RPH3A: variants seen among roughly 807,000 people sequenced by gnomAD.
The protein encoded by RPH3A is rabphilin-3A.
Under a neutral mutation model 102.2 loss-of-function variants are expected in RPH3A, and 48 were observed. The observed-to-expected ratio is 0.47, with a 90% CI of 0.37 to 0.60. The LOEUF is 0.60. RPH3A is among the 20% of genes least tolerant of loss of function. The pLI is 0.00. For synonymous variants in RPH3A, 310 were observed against 324.3 expected (o/e 0.96, Z 0.47); for missense variants, 781 against 910.1 (o/e 0.86, Z 1.83).
In RPH3A at chr12:112,891,015, C is replaced by G; in HGVS notation, c.1775+12C>G. 1 of 1,613,866 alleles carries G rather than the reference C, an allele frequency of 6.2e-7. No homozygotes were observed. The highest frequency in any genetic ancestry group is 8.5e-7 in the Non-Finnish European group (1 of 1,179,894). ...CCATTCGTCAAGCTGTAAGTCAATG[C>G]CTTGGGGCTACAGGTGGGCCCTGAA... On this transcript the variant is annotated intron_variant, in intron 19 of 21. Transcript: ENST00000389385.
At chr12:112,737,154 C>CAAA (rs57703782) in intron 1 of RPH3A, among the ~76,000 whole-genome samples, 34 of 117,308 alleles carry the variant, frequency 2.9e-4, no homozygotes, top group Non-Finnish European at 3.5e-4. Context: ...GACCCTGTCT[C>CAAA]AAAAAAAAAA....
chr12:112,873,162 C>T (rs1292222523), intron 10 of RPH3A, among the ~76,000 whole-genome samples: 1 of 152,180 alleles, frequency 6.6e-6, no homozygotes, highest in Non-Finnish European at 1.5e-5. Context: ...ACAACTTAAA[C>T]TTATTGAGCA....
chr12:112,870,310 C>CAAAAAA (rs377457634), intron 10 of RPH3A, among the ~76,000 whole-genome samples: 1 of 105,590 alleles, frequency 9.5e-6, no homozygotes, highest in East Asian at 2.7e-4. Context: ...CTCCCCGCCT[C>CAAAAAA]AAAAAAAAAA....
At chr12:112,594,682 A>T (rs905087044) in intron 1 of RPH3A, among the ~76,000 whole-genome samples, 2 of 152,126 alleles carry the variant, frequency 1.3e-5, no homozygotes, top group African/African-American at 2.4e-5. Flanking sequence ...GTTCTGGGGA[A>T]TTTCTCTTTA....
chr12:112,828,867 A>G (rs963768480), intron 3 of RPH3A, among the ~76,000 whole-genome samples: 1 of 152,236 alleles, frequency 6.6e-6, no homozygotes, highest in Admixed American at 6.5e-5. Context: ...GGGAGATTTC[A>G]CACGAAAGTC....
chr12:112,837,179 T>C (rs1178708874), intron 4 of RPH3A, among the ~76,000 whole-genome samples: 1 of 152,220 alleles, frequency 6.6e-6, no homozygotes, highest in African/African-American at 2.4e-5. Flanking sequence ...ATCATGGGAC[T>C]CTGGGACTCA....
chr12:112,737,554 C>T (rs1800635378), intron 1 of RPH3A, among the ~76,000 whole-genome samples: 1 of 152,120 alleles, frequency 6.6e-6, no homozygotes, highest in African/African-American at 2.4e-5. Context: ...ATAGACATGC[C>T]ATGACTTCCC....
At chr12:112,793,991 C>A (rs981887168) in intron 2 of RPH3A, among the ~76,000 whole-genome samples, 1 of 152,190 alleles carries the variant, frequency 6.6e-6, no homozygotes, top group Non-Finnish European at 1.5e-5. Flanking sequence ...CAGGCCAGCC[C>A]AGCTGGGATA....
intron 1 of RPH3A, among the ~76,000 whole-genome samples, chr12:112,678,232 CGAAAGAAAGAAAGAAAGAAAGAAA>C (rs757546615): frequency 0.023 from 1,722 of 74,722 alleles, 97 homozygotes; most frequent in Middle Eastern, 0.049. Context: ...AAGACCCTGT[CGAAAGAAAGAAAGAAAGAAAGAAA>C]GAAAGAAAGA....
intron 1 of RPH3A, among the ~76,000 whole-genome samples, chr12:112,780,047 C>G (rs189966946): frequency 6.6e-6 from 1 of 152,162 alleles, no homozygotes; most frequent in Non-Finnish European, 1.5e-5. Context: ...GTCTTCAGAG[C>G]GAACACGGCC....
chr12:112,774,566 G>C (rs2107109), intron 1 of RPH3A, among the ~76,000 whole-genome samples: 61,717 of 151,960 alleles, frequency 0.41, 12,792 homozygotes, highest in East Asian at 0.66. Flanking sequence ...GAAAGGTTTG[G>C]GTTGGTGAGA....
intron 1 of RPH3A, among the ~76,000 whole-genome samples, chr12:112,696,230 C>T (rs1274870936): frequency 6.6e-6 from 1 of 152,132 alleles, no homozygotes; most frequent in Non-Finnish European, 1.5e-5. Context: ...TTTATCCACT[C>T]GTTGGTTGAT....
At chr12:112,821,637 C>A (rs1464101922) in intron 2 of RPH3A, among the ~76,000 whole-genome samples, 18 of 152,198 alleles carry the variant, frequency 1.2e-4, no homozygotes, top group Admixed American at 1.2e-3. Context: ...CTCCCTCTGA[C>A]CACCTATTTA....
intron 1 of RPH3A, among the ~76,000 whole-genome samples, chr12:112,759,853 C>T (rs2040843799): frequency 1.3e-5 from 2 of 152,092 alleles, no homozygotes; most frequent in South Asian, 4.1e-4. Context: ...CTCAGCACAC[C>T]CCAGGACACC....
intron 5 of RPH3A, among the ~76,000 whole-genome samples, chr12:112,862,853 C>T (rs1593097739): frequency 6.6e-6 from 1 of 152,360 alleles, no homozygotes; most frequent in East Asian, 1.9e-4. Context: ...TGGGGAGAGT[C>T]AGCATTAAGT....
chr12:112,644,475 C>T (rs190441279), intron 1 of RPH3A, among the ~76,000 whole-genome samples: 3 of 152,170 alleles, frequency 2.0e-5, no homozygotes, highest in South Asian at 2.1e-4. Flanking sequence ...GGCATGAATG[C>T]CCTGTCACTT....
chr12:112,881,101 G>A (rs1448544132), intron 14 of RPH3A, among the ~76,000 whole-genome samples: 1 of 152,168 alleles, frequency 6.6e-6, no homozygotes, highest in Non-Finnish European at 1.5e-5. Context: ...GCTGTGCAGA[G>A]GGATGACGGG....
intron 13 of RPH3A, among the ~76,000 whole-genome samples, chr12:112,878,133 C>T (rs575090890): frequency 7.9e-5 from 12 of 152,260 alleles, no homozygotes; most frequent in South Asian, 2.1e-4. Flanking sequence ...CATGGGTCTG[C>T]GGTCTCAGGA....
At chr12:112,798,398 CCT>C (rs1025112770) in intron 2 of RPH3A, among the ~76,000 whole-genome samples, 3 of 152,060 alleles carry the variant, frequency 2.0e-5, no homozygotes, top group Admixed American at 2.0e-4. Context: ...CTTTCTTTTT[CCT>C]CTCTTTCTTT....
Sources: gnomAD v4.1 joint callset for allele counts (sites outside exome capture counted in the v4.1 genomes callset) on GRCh38, gnomAD v4.1.1 for gene constraint, MANE v1.5 for transcripts, NCBI Gene and HGNC (gene_info 2026-07-23, HGNC 2026-07-21) for gene names.